Variants in KALRN observed in about 807,000 individuals in gnomAD.
The protein encoded by KALRN is kalirin RhoGEF kinase, also known as kalirin.
KALRN carries 70 observed loss-of-function variants against 353.7 expected under a neutral mutation model. The observed-to-expected ratio is 0.20, with a 90% CI of 0.16 to 0.24. The LOEUF (loss-of-function observed/expected upper bound fraction) is 0.24. KALRN is among the 10% of genes least tolerant of loss of function. KALRN has a pLI of 1.00. For missense variants in KALRN, 2,791 were observed against 3,756.7 expected (o/e 0.74, Z 6.72); for synonymous variants, 1,391 against 1,434.8 (o/e 0.97, Z 0.69).
intron 1 of KALRN, among the ~76,000 whole-genome samples, chr3:124,181,862 A>G (rs903670719): frequency 4.6e-5 from 7 of 152,206 alleles, no homozygotes; most frequent in Admixed American, 1.3e-4. Context: ...AGCCAAGTCA[A>G]GTGGTAGAGT....
chr3:124,053,380 G>C (rs1002056653), intron 1 of KALRN, among the ~76,000 whole-genome samples: 1 of 152,188 alleles, frequency 6.6e-6, no homozygotes, highest in African/African-American at 2.4e-5. Flanking sequence ...TAATGGTGGG[G>C]TATCTGCAGG....
At chr3:124,683,965 T>A (rs1409873150) in intron 51 of KALRN, among the ~76,000 whole-genome samples, 1 of 152,248 alleles carries the variant, frequency 6.6e-6, no homozygotes, top group African/African-American at 2.4e-5. Flanking sequence ...TAGTAAAATA[T>A]ACATAACAAA....
chr3:124,544,416 T>C (rs945313090), intron 33 of KALRN, among the ~76,000 whole-genome samples: 1 of 151,696 alleles, frequency 6.6e-6, no homozygotes, highest in African/African-American at 2.4e-5. Context: ...CAAAAATGAG[T>C]CAGGCGTGGT....
chr3:124,139,718 G>C (rs1050520066), intron 1 of KALRN, among the ~76,000 whole-genome samples: 1 of 152,214 alleles, frequency 6.6e-6, no homozygotes, highest in African/African-American at 2.4e-5. Flanking sequence ...GGATTGGAGA[G>C]TGAGATAGAA....
chr3:124,430,934 G>C (rs1297442533), intron 16 of KALRN, among the ~76,000 whole-genome samples, 159 bp downstream of exon 16: 1 of 152,196 alleles, frequency 6.6e-6, no homozygotes, highest in African/African-American at 2.4e-5. Flanking sequence ...AGAGTTGATA[G>C]GGAAGCAAAT....
chr3:124,210,097 T>C lies in KALRN; in HGVS notation c.74-17893T>C, dbSNP rs1249566909. Among the ~76,000 whole-genome samples, 2 of 152,238 alleles carry C rather than the reference T, an allele frequency of 1.3e-5. 1 individual carries two copies. Among genetic ancestry groups the C allele is most frequent in the South Asian group, 4.1e-4 (2 of 4,836 alleles). ...TAGTTAAATGACCTTAAGCAGATTA[T>C]GTAAACGCTCTCTGTATCTCAGTTT... On this transcript the variant is annotated intron_variant, in intron 1 of 59. Coordinates refer to ENST00000682506, the MANE Select transcript of KALRN (RefSeq NM_001388419.1).
At chr3:124,169,013 A>G (rs1367331650) in intron 1 of KALRN, among the ~76,000 whole-genome samples, 1 of 152,228 alleles carries the variant, frequency 6.6e-6, no homozygotes, top group Non-Finnish European at 1.5e-5. Context: ...GTGGAAAGAC[A>G]TGGGATTTGA....
Position 124,461,936 on chromosome 3 carries a change from G to C in KALRN, c.3901G>C (p.Asp1301His). 2.5e-6 allele frequency: 4 copies of C among 1,613,038 alleles called. No homozygotes were observed. Among genetic ancestry groups the C allele is most frequent in the Non-Finnish European group, 3.4e-6 (4 of 1,179,102 alleles). ...CCAGACAGAGAAGGCTTATGTAAGG[G>C]ATTTGCATGAGTGCTTAGAGGTGAG... ...LLQTEKAYVR[D>H]LHECLETYLW... Residue 1301 changes from aspartate (D) to histidine (H), a missense_variant, in exon 24 of 60, where the codon GAT becomes CAT. Asp to His is a moderately conservative substitution (Grantham distance 81). Transcript: ENST00000682506.
At position 124,274,267 on chromosome 3, in the gene KALRN, C is replaced by G. The variant is rs72976509; in HGVS notation, c.969+5012C>G. ...TGCCATCTGATGACAGTCATTATGA[C>G]CTCGTGATGTCAATGTGCTGATGCC... On this transcript the variant is annotated intron_variant, in intron 5 of 59. Coordinates refer to ENST00000682506, the MANE Select transcript of KALRN (RefSeq NM_001388419.1). Among the ~76,000 whole-genome samples, 1,016 of 152,342 alleles carry G rather than the reference C, an allele frequency of 6.7e-3. 7 individuals are homozygous for G. The highest frequency in any genetic ancestry group is 0.021 in the African/African-American group (888 of 41,580).
chr3:124,658,229 G>GT (rs1392373424), intron 41 of KALRN, among the ~76,000 whole-genome samples: 13 of 152,116 alleles, frequency 8.5e-5, no homozygotes, highest in South Asian at 4.1e-4. Flanking sequence ...CCCTCTCTAA[G>GT]TTTTTTTGTT....
chr3:124,064,049 T>C (rs191211257), intron 1 of KALRN, among the ~76,000 whole-genome samples: 9 of 152,310 alleles, frequency 5.9e-5, no homozygotes, highest in Admixed American at 4.6e-4. Context: ...TTGACCAACA[T>C]TTGTCAAGTG....
At chr3:124,141,556 C>T (rs990312369) in intron 1 of KALRN, among the ~76,000 whole-genome samples, 1 of 152,204 alleles carries the variant, frequency 6.6e-6, no homozygotes, top group African/African-American at 2.4e-5. Context: ...TTAAACTGTA[C>T]TATGATTTAT....
intron 3 of KALRN, among the ~76,000 whole-genome samples, chr3:124,248,894 T>C (rs899417620): frequency 3.9e-5 from 6 of 151,990 alleles, no homozygotes; most frequent in African/African-American, 1.5e-4. Context: ...CTGAACCTTG[T>C]CCTGTGATGC....
chr3:124,426,848 A>C (rs144531348), intron 15 of KALRN, among the ~76,000 whole-genome samples: 2 of 152,244 alleles, frequency 1.3e-5, no homozygotes, highest in African/African-American at 2.4e-5. Context: ...GATTTGAAAG[A>C]CCTACCTAAT....
chr3:124,209,835 A>G lies in KALRN; in HGVS notation c.74-18155A>G, dbSNP rs544920291. On this transcript the variant is annotated intron_variant, in intron 1 of 59. Coordinates refer to ENST00000682506, the MANE Select transcript of KALRN (RefSeq NM_001388419.1). The stretch of plus-strand genomic sequence containing the variant: ...CCTCTGGGCTTCAGTTTCCTTGTCT[A>G]TAAAGTATATGCTTGTATTACATCA... Among the ~76,000 whole-genome samples the G allele has an allele frequency of 1.1e-4, 16 of 152,334 alleles. No homozygotes were observed. The South Asian group carries it at 2.1e-3, about 20-fold the overall frequency.
At chr3:124,404,578 G>C (rs1262138625) in intron 13 of KALRN, among the ~76,000 whole-genome samples, 1 of 146,356 alleles carries the variant, frequency 6.8e-6, no homozygotes, top group African/African-American at 2.5e-5. Context: ...TGAAAGTATG[G>C]GCTTCCAGTA....
intron 1 of KALRN, among the ~76,000 whole-genome samples, chr3:124,040,364 C>A (rs1280344591): frequency 6.6e-6 from 1 of 152,146 alleles, no homozygotes; most frequent in Non-Finnish European, 1.5e-5. Flanking sequence ...TATGGTATAG[C>A]CCAGTGGTTC....
chr3:124,419,120 G>C (rs1356317286), intron 14 of KALRN, among the ~76,000 whole-genome samples: 1 of 151,834 alleles, frequency 6.6e-6, no homozygotes, highest in Non-Finnish European at 1.5e-5. Flanking sequence ...GCAGAGTTGA[G>C]AGAAGCAGTC....
Position 124,459,996 on chromosome 3 carries a change from G to A in KALRN, c.3855-1894G>A, listed in dbSNP as rs370999826. Among the ~76,000 whole-genome samples the A allele has an allele frequency of 2.0e-5, 3 of 152,316 alleles. 1 individual carries two copies. Among genetic ancestry groups the A allele is most frequent in the Admixed American group, 6.5e-5 (1 of 15,304 alleles). On this transcript the variant is annotated intron_variant, in intron 23 of 59. Coordinates refer to ENST00000682506, the MANE Select transcript of KALRN (RefSeq NM_001388419.1). Reference sequence around the variant, plus strand: ...AGCCTAAACTCAAGGTGTCAGCAGGGTTGATTCCTTCTGAGGGCAGTGAGG... The same window carrying A: ...AGCCTAAACTCAAGGTGTCAGCAGGATTGATTCCTTCTGAGGGCAGTGAGG...
Sources: gnomAD v4.1 joint callset for allele counts (sites outside exome capture counted in the v4.1 genomes callset) on GRCh38, gnomAD v4.1.1 for gene constraint, MANE v1.5 for transcripts, NCBI Gene and HGNC (gene_info 2026-07-23, HGNC 2026-07-21) for gene names.